The following TSC22D1 variants were observed in gnomAD, a reference collection of about 807,000 sequenced individuals.
TSC22D1 encodes TSC22 domain family protein 1.
TSC22D1 carries 9 observed loss-of-function variants against 74.2 expected under a neutral mutation model. That is an observed-to-expected ratio of 0.12 (90% confidence interval 0.07 to 0.21). The LOEUF (loss-of-function observed/expected upper bound fraction) is 0.21, where lower values mean the gene tolerates loss of function less well. Ranked by LOEUF, TSC22D1 falls within the 10% of genes least tolerant of loss-of-function variation. The pLI is 1.00. For synonymous variants in TSC22D1, 586 were observed against 492.5 expected (o/e 1.19, Z -2.51); for missense variants, 1,427 against 1,304.7 (o/e 1.09, Z -1.44).
chr13:44,502,146 T>A (rs183392026), intron 1 of TSC22D1, among the ~76,000 whole-genome samples: 2 of 152,308 alleles, frequency 1.3e-5, no homozygotes, highest in Non-Finnish European at 2.9e-5. Context: ...ATTAAGAATC[T>A]TTTTTCTATG....
At chr13:44,539,162 T>C in intron 1 of TSC22D1, 2 of 985,322 alleles carry the variant, frequency 2.0e-6, no homozygotes, top group South Asian at 9.4e-5. Context: ...TTTGAGTATA[T>C]TAAACATAGC....
rs1208451642 is a variant in TSC22D1, at chr13:44,434,520, G to A, written c.*106C>T. The A allele has an allele frequency of 2.1e-5, 30 of 1,457,058 alleles. No homozygotes were observed. The East Asian group carries it at 2.2e-4, about 11-fold the overall frequency. The allele number at this position is 1,457,058 out of a possible 1,614,324, so 90.3% of individuals were successfully genotyped here. A position where few individuals can be genotyped will look rare whatever the true frequency, so the allele number is the denominator to read the frequency against. On this transcript the variant is annotated 3_prime_UTR_variant, in exon 3 of 3. Coordinates refer to ENST00000458659, the MANE Select transcript of TSC22D1 (RefSeq NM_183422.4). Reference sequence around the variant, plus strand: ...CATATGTCAGTCTCACGTCTCTTTCGCAGCGAGCAATGAAATGGGTGACTG... The same window carrying A: ...CATATGTCAGTCTCACGTCTCTTTCACAGCGAGCAATGAAATGGGTGACTG...
At chr13:44,533,758 G>C (rs1272418484) in intron 1 of TSC22D1, among the ~76,000 whole-genome samples, 3 of 152,170 alleles carry the variant, frequency 2.0e-5, no homozygotes, top group Non-Finnish European at 4.4e-5. Context: ...ACTCCAGCCT[G>C]GGCAATAGAG....
intron 1 of TSC22D1, among the ~76,000 whole-genome samples, chr13:44,462,393 T>C (rs1877046347): frequency 6.6e-6 from 1 of 152,220 alleles, no homozygotes; most frequent in South Asian, 2.1e-4. Context: ...ATCTATTTTA[T>C]GGAAAAAGAA....
chr13:44,573,663 T>C lies in TSC22D1; in HGVS notation c.2412A>G (p.Gln804=), dbSNP rs1829463607. 4 of 1,614,246 alleles carry C rather than the reference T, an allele frequency of 2.5e-6. No homozygotes were observed. The highest frequency in any genetic ancestry group is 2.5e-6 in the Non-Finnish European group (3 of 1,180,042). The change falls in exon 1 of 3, where the codon CAA becomes CAG. Residue 804 remains glutamine, a synonymous_variant. Coordinates refer to ENST00000458659, the MANE Select transcript of TSC22D1 (RefSeq NM_183422.4). ...TTCCTTGAGCTACTGGTTCTACTCC[T>C]TGTGGCTGGGGAGGCACAGTTAACA... ...SSLLTVPPQP[Q]GVEPVAQGIV...
intron 1 of TSC22D1, among the ~76,000 whole-genome samples, chr13:44,440,318 C>A (rs1875085595): frequency 6.6e-6 from 1 of 152,140 alleles, no homozygotes; most frequent in African/African-American, 2.4e-5. Flanking sequence ...ATGGCTCATG[C>A]CTGTAATCCC....
At chr13:44,519,553 A>C (rs370899806) in intron 1 of TSC22D1, among the ~76,000 whole-genome samples, 2 of 152,320 alleles carry the variant, frequency 1.3e-5, no homozygotes, top group African/African-American at 4.8e-5. Flanking sequence ...AGAGACAGCC[A>C]AAAAGTGGTC....
intron 1 of TSC22D1, among the ~76,000 whole-genome samples, chr13:44,477,245 G>A (rs1291431796): frequency 6.6e-6 from 1 of 152,138 alleles, no homozygotes; most frequent in Non-Finnish European, 1.5e-5. Flanking sequence ...GAGCCACCAT[G>A]CCTGGCCAAC....
Position 44,433,998 on chromosome 13 carries a change from C to G in TSC22D1, c.*628G>C, listed in dbSNP as rs1874286329. 1 of 1,534,064 alleles carries G rather than the reference C, an allele frequency of 6.5e-7. No homozygotes were observed. The highest frequency in any genetic ancestry group is 2.0e-5 in the Admixed American group (1 of 50,406). On this transcript the variant is annotated 3_prime_UTR_variant, in exon 3 of 3. Transcript: ENST00000458659. ...ACAAATATACAATAAGCAAAACAAC[C>G]TTCATGGTAAGATAGCCTAGGTCCC...
intron 1 of TSC22D1, among the ~76,000 whole-genome samples, chr13:44,469,618 CG>C (rs1566127692): frequency 6.6e-6 from 1 of 152,060 alleles, no homozygotes; most frequent in African/African-American, 2.4e-5. Context: ...TTTTAAAGCA[CG>C]AATCTTGTAT....
At chr13:44,542,063 A>T (rs902144597) in intron 1 of TSC22D1, among the ~76,000 whole-genome samples, 2 of 152,140 alleles carry the variant, frequency 1.3e-5, no homozygotes, top group Admixed American at 1.3e-4. Flanking sequence ...TCTAAGTAAA[A>T]CTTAACTACT....
At chr13:44,465,826 A>T (rs1877248185) in intron 1 of TSC22D1, among the ~76,000 whole-genome samples, 1 of 152,164 alleles carries the variant, frequency 6.6e-6, no homozygotes, top group Non-Finnish European at 1.5e-5. Context: ...TACAAAAATT[A>T]GCCAGGTGTG....
chr13:44,477,920 C>T (rs372661463), intron 1 of TSC22D1, among the ~76,000 whole-genome samples: 1 of 152,062 alleles, frequency 6.6e-6, no homozygotes, highest in East Asian at 1.9e-4. Context: ...GGATTACAGG[C>T]GTGAGCCACT....
At chr13:44,576,971 C>A (rs1303087091), upstream of TSC22D1, 2 of 152,664 alleles carry the variant, frequency 1.3e-5, no homozygotes, top group East Asian at 3.9e-4. Flanking sequence ...GGCACCCGAG[C>A]CTCTCCGGAG....
intron 1 of TSC22D1, among the ~76,000 whole-genome samples, chr13:44,479,531 T>C (rs1029126276): frequency 1.3e-5 from 2 of 152,160 alleles, no homozygotes; most frequent in Non-Finnish European, 2.9e-5. Context: ...TATTGACTTG[T>C]ATATCGTATA....
intron 1 of TSC22D1, among the ~76,000 whole-genome samples, chr13:44,513,198 GGT>G (rs1879820908): frequency 6.6e-6 from 1 of 152,136 alleles, no homozygotes; most frequent in African/African-American, 2.4e-5. Context: ...TCCTTGTAAT[GGT>G]TGTCTTTATC....
intron 1 of TSC22D1, among the ~76,000 whole-genome samples, chr13:44,572,076 ATAAT>A (rs1418489441): frequency 3.9e-5 from 6 of 152,218 alleles, no homozygotes; most frequent in Non-Finnish European, 5.9e-5. Flanking sequence ...TAATACTAAA[ATAAT>A]TAAATATCTT....
chr13:44,543,535 T>C (rs902183303), intron 1 of TSC22D1, among the ~76,000 whole-genome samples: 2 of 152,208 alleles, frequency 1.3e-5, no homozygotes, highest in East Asian at 3.8e-4. Context: ...AAACAAATTC[T>C]TCACAAATTC....
At chr13:44,447,105 A>G (rs1875741383) in intron 1 of TSC22D1, among the ~76,000 whole-genome samples, 2 of 151,522 alleles carry the variant, frequency 1.3e-5, no homozygotes, top group Admixed American at 1.3e-4. Flanking sequence ...CTGCCACTCT[A>G]ATTTCTATTT....
Sources: gnomAD v4.1 joint callset for allele counts (sites outside exome capture counted in the v4.1 genomes callset) on GRCh38, gnomAD v4.1.1 for gene constraint, MANE v1.5 for transcripts, NCBI Gene and HGNC (gene_info 2026-07-23, HGNC 2026-07-21) for gene names.